Variants in SLC4A4 observed in about 807,000 individuals in gnomAD.
SLC4A4 encodes the protein solute carrier family 4 member 4.
SLC4A4 carries 27 observed loss-of-function variants against 111.5 expected under a neutral mutation model. The ratio of observed to expected loss-of-function variants is 0.24; its 90% CI spans 0.18 to 0.33. The LOEUF (loss-of-function observed/expected upper bound fraction) is 0.33, where lower values mean the gene tolerates loss of function less well. SLC4A4 is among the 10% of genes least tolerant of loss of function. The pLI is 1.00. For synonymous variants in SLC4A4, 443 were observed against 463.4 expected (o/e 0.96, Z 0.57); for missense variants, 909 against 1,315.5 (o/e 0.69, Z 4.78).
At chr4:71,064,705 A>G (rs1478372717) in intron 1 of SLC4A4, among the ~76,000 whole-genome samples, 12 of 152,222 alleles carry the variant, frequency 7.9e-5, no homozygotes, top group Non-Finnish European at 1.6e-4. Flanking sequence ...AGGACTGGTC[A>G]CGTATTAGGG....
At chr4:71,529,723 G>A (rs2149206332) in intron 16 of SLC4A4, among the ~76,000 whole-genome samples, 1 of 152,020 alleles carries the variant, frequency 6.6e-6, no homozygotes, top group Non-Finnish European at 1.5e-5. Flanking sequence ...CCCCTCTCCT[G>A]TTTATTAAAA....
At chr4:71,466,646 G>A in intron 13 of SLC4A4, 69 bp downstream of exon 13, 1 of 1,464,916 alleles carries the variant, frequency 6.8e-7, no homozygotes, top group Non-Finnish European at 9.5e-7. Flanking sequence ...GCTAGATAGA[G>A]CATAGAATAG....
chr4:71,532,338 C>T (rs987648087), intron 17 of SLC4A4, among the ~76,000 whole-genome samples, 163 bp downstream of exon 17: 8 of 151,942 alleles, frequency 5.3e-5, no homozygotes, highest in Non-Finnish European at 1.5e-5. Context: ...AGTTTAATTT[C>T]TTCACTACAA....
chr4:71,303,174 A>G (rs1725402588), intron 3 of SLC4A4, among the ~76,000 whole-genome samples: 1 of 152,214 alleles, frequency 6.6e-6, no homozygotes, highest in Non-Finnish European at 1.5e-5. Context: ...CACATTACAG[A>G]TACAAATCTG....
chr4:71,401,506 G>T (rs1489385323), intron 7 of SLC4A4, among the ~76,000 whole-genome samples: 1 of 152,094 alleles, frequency 6.6e-6, no homozygotes, highest in Admixed American at 6.6e-5. Flanking sequence ...TGTTGCTATG[G>T]AGTATTTTTC....
chr4:71,145,611 G>A (rs1233465403), intron 2 of SLC4A4, among the ~76,000 whole-genome samples: 1 of 152,038 alleles, frequency 6.6e-6, no homozygotes, highest in Non-Finnish European at 1.5e-5. Flanking sequence ...ATTAATTATT[G>A]CCTCAATTTC....
chr4:71,246,317 T>A (rs1196893376), intron 2 of SLC4A4, among the ~76,000 whole-genome samples: 1 of 152,174 alleles, frequency 6.6e-6, no homozygotes, highest in Non-Finnish European at 1.5e-5. Flanking sequence ...AGGACAAGGA[T>A]CCACGTGTTC....
intron 1 of SLC4A4, among the ~76,000 whole-genome samples, chr4:71,091,996 A>C (rs10003790): frequency 0.092 from 13,940 of 152,246 alleles, 789 homozygotes; most frequent in African/African-American, 0.16. Flanking sequence ...TGCAGTAATA[A>C]AATGTAGTGG....
intron 1 of SLC4A4, among the ~76,000 whole-genome samples, chr4:71,231,773 A>G (rs1211923801): frequency 6.6e-6 from 1 of 152,208 alleles, no homozygotes; most frequent in African/African-American, 2.4e-5. Context: ...GTTGTGTGAA[A>G]GGAACTTTTA....
intron 2 of SLC4A4, among the ~76,000 whole-genome samples, chr4:71,097,170 C>G (rs1338919340): frequency 6.6e-6 from 1 of 152,154 alleles, no homozygotes; most frequent in African/African-American, 2.4e-5. Context: ...CCTCTCCCTC[C>G]TCCCATCATC....
intron 1 of SLC4A4, among the ~76,000 whole-genome samples, chr4:71,064,989 A>C (rs919523507): frequency 3.3e-5 from 5 of 152,186 alleles, no homozygotes; most frequent in Non-Finnish European, 7.4e-5. Flanking sequence ...CAACAAAAAT[A>C]TAAGATTTGC....
At chr4:71,377,399 G>A (rs1162326717) in intron 6 of SLC4A4, among the ~76,000 whole-genome samples, 2 of 152,224 alleles carry the variant, frequency 1.3e-5, no homozygotes, top group Admixed American at 6.5e-5. Flanking sequence ...CTATGTGTTT[G>A]TGACTGTGAT....
At chr4:71,131,524 AG>A (rs1658578199) in intron 2 of SLC4A4, among the ~76,000 whole-genome samples, 2 of 152,232 alleles carry the variant, frequency 1.3e-5, no homozygotes, top group South Asian at 4.1e-4. Context: ...CAGGGTAAAA[AG>A]CTCAGAATAA....
At chr4:71,062,993 C>T (rs1741428320) in intron 1 of SLC4A4, among the ~76,000 whole-genome samples, 1 of 151,994 alleles carries the variant, frequency 6.6e-6, no homozygotes, top group African/African-American at 2.4e-5. Context: ...TATATATGCT[C>T]ATATATTTTT....
At chr4:71,269,773 G>A (rs990160968) in intron 3 of SLC4A4, among the ~76,000 whole-genome samples, 3 of 152,138 alleles carry the variant, frequency 2.0e-5, no homozygotes, top group Non-Finnish European at 4.4e-5. Flanking sequence ...AGCAAAATTT[G>A]TTAAAAAACT....
At chr4:71,240,710 T>C (rs1304899565) in intron 2 of SLC4A4, among the ~76,000 whole-genome samples, 2 of 152,198 alleles carry the variant, frequency 1.3e-5, no homozygotes, top group Non-Finnish European at 2.9e-5. Context: ...TATTCACTAA[T>C]TATTTGTTAA....
intron 7 of SLC4A4, among the ~76,000 whole-genome samples, chr4:71,418,222 T>C (rs1579054131): frequency 6.6e-6 from 1 of 152,328 alleles, no homozygotes; most frequent in East Asian, 1.9e-4. Flanking sequence ...CATTTGTAAA[T>C]GTGCTGCTTT....
chr4:71,384,812 C>T (rs977933370), intron 6 of SLC4A4, among the ~76,000 whole-genome samples: 1 of 151,564 alleles, frequency 6.6e-6, no homozygotes, highest in Non-Finnish European at 1.5e-5. Context: ...CAAATATTGA[C>T]AGGGTCTTTT....
At chr4:71,329,595 C>T (rs1476978558) in intron 3 of SLC4A4, among the ~76,000 whole-genome samples, 1 of 151,926 alleles carries the variant, frequency 6.6e-6, no homozygotes, top group African/African-American at 2.4e-5. Flanking sequence ...AATGGAATTA[C>T]TTTCTTGATT....
Sources: allele counts gnomAD v4.1 joint callset (sites outside exome capture counted in the v4.1 genomes callset), GRCh38; gene constraint gnomAD v4.1.1; transcripts MANE v1.5; gene names NCBI Gene and HGNC (gene_info 2026-07-23, HGNC 2026-07-21).